CUTC: variants seen among roughly 807,000 people sequenced by gnomAD.
CUTC encodes copper homeostasis protein cutC homolog.
Under a neutral mutation model 36.2 loss-of-function variants are expected in CUTC, and 27 were observed. The observed-to-expected ratio is 0.75, with a 90% CI of 0.55 to 1.03. CUTC has a LOEUF of 1.03. Ranked by LOEUF, CUTC falls within the 50% of genes least tolerant of loss-of-function variation. The pLI is 0.00. For synonymous variants in CUTC, 114 were observed against 118.3 expected (o/e 0.96, Z 0.24); for missense variants, 315 against 343.5 (o/e 0.92, Z 0.66).
At position 99,732,311 on chromosome 10, in the gene CUTC, T is replaced by A; in HGVS notation, c.-38T>A. ...TGCGCGCCGGAGCCCAAATTCCAAG[T>A]GGAAACTGCAGGCGCACGAGGGAGG... is the stretch of plus-strand genomic sequence containing the variant. On this transcript the variant is annotated 5_prime_UTR_variant, in exon 1 of 9. Coordinates refer to ENST00000370476, the MANE Select transcript of CUTC (RefSeq NM_015960.3). The A allele has an allele frequency of 4.5e-6, 7 of 1,549,842 alleles. No individual in the cohort carries two copies. The highest frequency in any genetic ancestry group is 5.2e-6 in the Non-Finnish European group (6 of 1,146,496).
At position 99,736,221 on chromosome 10, in the gene CUTC, T is replaced by A. The variant is rs370283173; in HGVS notation, c.62-25T>A. The A allele has an allele frequency of 7.5e-6, 12 of 1,604,334 alleles. No individual in the cohort carries two copies. The African/African-American group carries it at 1.6e-4, about 21-fold the overall frequency. ...CTGGATGGATAGAACCTTTATGAAC[T>A]CTTACCATTCTCCATGTATTTTAGG... On this transcript the variant is annotated intron_variant, in intron 1 of 8. Transcript: ENST00000370476.
In CUTC at chr10:99,736,310, A is replaced by C. The variant is rs745400179; in HGVS notation, c.126A>C (p.Glu42Asp). The C allele has an allele frequency of 6.0e-5, 96 of 1,612,162 alleles. No individual in the cohort carries two copies. Among genetic ancestry groups the C allele is most frequent in the Non-Finnish European group, 7.9e-5 (93 of 1,178,362 alleles). ...CAGTGGAATCAGCTGTGAATGCAGA[A>C]AGAGGAGGTAAGAGAAATCAGATAG... The part of the protein sequence containing the change: ...VDSVESAVNA[E>D]RGGADRIELC... Residue 42 changes from glutamate (E) to aspartate (D), a missense_variant, in exon 2 of 9, where the codon GAA becomes GAC. Coordinates refer to ENST00000370476, the MANE Select transcript of CUTC (RefSeq NM_015960.3).
At chr10:99,732,466 G>C (rs999436350) in intron 1 of CUTC, 57 bp downstream of exon 1, 1 of 1,547,182 alleles carries the variant, frequency 6.5e-7, no homozygotes, top group African/African-American at 1.4e-5. Context: ...GGGCGGGCCG[G>C]CGGGAGTCGT....
intron 5 of CUTC, among the ~76,000 whole-genome samples, chr10:99,746,404 A>G (rs532062179): frequency 1.0e-3 from 153 of 152,232 alleles, no homozygotes; most frequent in African/African-American, 3.5e-3. Flanking sequence ...AAAAATAACT[A>G]TGAGTACTAG....
At chr10:99,750,494 A>G in intron 7 of CUTC, 98 bp downstream of exon 7, 1 of 735,754 alleles carries the variant, frequency 1.4e-6, no homozygotes, top group Non-Finnish European at 2.1e-6. Flanking sequence ...TTAGTACATT[A>G]CATATTAGTA....
At chr10:99,733,899 C>T (rs1256896929) in intron 1 of CUTC, among the ~76,000 whole-genome samples, 2 of 152,088 alleles carry the variant, frequency 1.3e-5, no homozygotes, top group African/African-American at 4.8e-5. Context: ...AGGGTCCTTT[C>T]TTGTGTGAGG....
intron 6 of CUTC, 168 bp downstream of exon 6, chr10:99,747,558 T>G (rs2037387856): frequency 2.9e-6 from 2 of 693,808 alleles, no homozygotes; most frequent in East Asian, 2.8e-5. Flanking sequence ...ACACAAGCCT[T>G]TTTAATAACC....
At chr10:99,750,025 A>G (rs1300494496) in intron 6 of CUTC, among the ~76,000 whole-genome samples, 1 of 152,170 alleles carries the variant, frequency 6.6e-6, no homozygotes, top group African/African-American at 2.4e-5. Context: ...TTATCACATA[A>G]GTACATATAT....
chr10:99,733,058 T>A lies in CUTC; in HGVS notation c.61+649T>A, dbSNP rs59931843. Among the ~76,000 whole-genome samples the A allele has an allele frequency of 2.0e-3, 308 of 151,812 alleles. 2 individuals carry two copies. Among genetic ancestry groups the A allele is most frequent in the African/African-American group, 7.2e-3 (296 of 41,384 alleles). ...TGACTGTATTAGAAATTAAAACAAA[T>A]TTTTTTTTGGGAGGCCGAGGGGGAC... On this transcript the variant is annotated intron_variant, in intron 1 of 8. Transcript: ENST00000370476.
intron 5 of CUTC, 95 bp from the exon 6 acceptor site, chr10:99,747,155 GTACAAGC>G (rs2037383788): frequency 8.3e-6 from 11 of 1,327,564 alleles, no homozygotes; most frequent in Middle Eastern, 1.9e-4. Flanking sequence ...TTGTAAGCCA[GTACAAGC>G]TAGGTCCAGC....
rs758173583 is a variant in CUTC at position 99,755,719 on chromosome 10, G to A, written c.802G>A (p.Ala268Thr). The change falls in exon 9 of 9, where the codon GCA becomes ACA. Residue 268 changes from alanine (A) to threonine (T), a missense_variant. Transcript: ENST00000370476. Reference sequence around the variant, plus strand: ...CAAAGTAAGGACTTTGAATGCTATCGCAAAGAACATCCTGGTGTAGCCAGA... The same window carrying A: ...CAAAGTAAGGACTTTGAATGCTATCACAAAGAACATCCTGGTGTAGCCAGA... The part of the protein sequence containing the change: ...VTKVRTLNAI[A>T]KNILV 50 of 1,611,044 alleles carry A rather than the reference G, an allele frequency of 3.1e-5. No individual in the cohort carries two copies. Among genetic ancestry groups the A allele is most frequent in the Non-Finnish European group, 4.1e-5 (48 of 1,177,452 alleles).
intron 6 of CUTC, among the ~76,000 whole-genome samples, chr10:99,748,047 T>C (rs2037391828): frequency 6.6e-6 from 1 of 152,244 alleles, no homozygotes; most frequent in Admixed American, 6.5e-5. Context: ...TAATAGTATG[T>C]GTATTTTTCT....
chr10:99,736,340 T>A, intron 2 of CUTC, 23 bp downstream of exon 2: 1 of 1,571,224 alleles, frequency 6.4e-7, no homozygotes, highest in Non-Finnish European at 8.8e-7. Context: ...AGATAGTGAA[T>A]GACCGTTGGC....
At position 99,755,655 on chromosome 10, in the gene CUTC, T is replaced by C. The variant is rs2133682963; in HGVS notation, c.738T>C (p.Leu246=). The C allele has an allele frequency of 6.2e-7, 1 of 1,613,806 alleles. No individual in the cohort carries two copies. Among genetic ancestry groups the C allele is most frequent in the Non-Finnish European group, 8.5e-7 (1 of 1,179,748 alleles). The change falls in exon 9 of 9, where the codon CTT becomes CTC. Residue 246 remains leucine, a synonymous_variant. Transcript: ENST00000370476. The part of the protein sequence containing the change: ...RNSSVAMGAS[L]SCSEYSLKVT... ...CATCTGTTGCCATGGGAGCCTCACT[T>C]TCTTGCTCAGAATATTCCCTAAAGG...
intron 7 of CUTC, among the ~76,000 whole-genome samples, chr10:99,752,688 A>C (rs759780455): frequency 2.0e-5 from 3 of 152,186 alleles, no homozygotes; most frequent in Non-Finnish European, 4.4e-5. Context: ...CTACACAAGA[A>C]ACTACGTTCT....
intron 4 of CUTC, 56 bp from the exon 5 acceptor site, chr10:99,743,981 A>G (rs1049017418): frequency 7.7e-6 from 11 of 1,430,328 alleles, no homozygotes; most frequent in South Asian, 1.2e-5. Context: ...AATTCTATAT[A>G]TAGTAATCAG....
At position 99,747,318 on chromosome 10, in the gene CUTC, A is replaced by G. The variant is rs1331499259; in HGVS notation, c.501A>G (p.Glu167=). Residue 167 remains glutamate, a synonymous_variant, in exon 6 of 9, where the codon GAA becomes GAG. Coordinates refer to ENST00000370476, the MANE Select transcript of CUTC (RefSeq NM_015960.3). The part of the protein sequence containing the change: ...ALETLLTLGF[E]RVLTSGCDSS... ...AGACCCTCTTAACCTTGGGATTTGA[A>G]CGCGTGTTGACCAGTGGATGTGACA... 2.5e-6 allele frequency: 4 copies of G among 1,614,168 alleles called. No individual in the cohort carries two copies. Among genetic ancestry groups the G allele is most frequent in the Non-Finnish European group, 3.4e-6 (4 of 1,179,994 alleles).
At chr10:99,745,916 C>G (rs993640302) in intron 5 of CUTC, among the ~76,000 whole-genome samples, 1 of 152,160 alleles carries the variant, frequency 6.6e-6, no homozygotes, top group East Asian at 1.9e-4. Context: ...AAACAACTAC[C>G]CTTATGCTAT....
intron 2 of CUTC, among the ~76,000 whole-genome samples, chr10:99,738,378 G>A (rs998098407): frequency 1.5e-5 from 2 of 137,290 alleles, no homozygotes; most frequent in Non-Finnish European, 3.1e-5. Context: ...TTCTCCAGTT[G>A]ACTCATACAG....
Sources: allele counts gnomAD v4.1 joint callset (sites outside exome capture counted in the v4.1 genomes callset), GRCh38; gene constraint gnomAD v4.1.1; transcripts MANE v1.5; gene names NCBI Gene and HGNC (gene_info 2026-07-23, HGNC 2026-07-21).